The following LRRC4C variants were observed in gnomAD, a reference collection of about 807,000 sequenced individuals.
LRRC4C encodes leucine-rich repeat-containing protein 4C.
LRRC4C carries 5 observed loss-of-function variants against 33.6 expected under a neutral mutation model. That is an observed-to-expected ratio of 0.15 (90% confidence interval 0.08 to 0.31). LRRC4C has a LOEUF of 0.31. Ranked by LOEUF, LRRC4C falls within the 10% of genes least tolerant of loss-of-function variation. The pLI, the probability that LRRC4C is intolerant of heterozygous loss-of-function variation, is 1.00. For synonymous variants in LRRC4C, 329 were observed against 302.0 expected, an observed-to-expected ratio of 1.09 and a Z score of -0.93; for missense variants, 560 against 796.7, an observed-to-expected ratio of 0.70 and a Z score of 3.58.
chr11:41,147,207 T>A (rs2135942725), intron 1 of LRRC4C, among the ~76,000 whole-genome samples: 1 of 152,326 alleles, frequency 6.6e-6, no homozygotes, highest in South Asian at 2.1e-4. Flanking sequence ...TAACTATGAC[T>A]TCCAGAGCAC....
intron 2 of LRRC4C, among the ~76,000 whole-genome samples, chr11:40,708,595 T>A (rs1946295545): frequency 6.6e-6 from 1 of 152,212 alleles, no homozygotes; most frequent in African/African-American, 2.4e-5. Context: ...TTGTAATTTC[T>A]GTTCTTTTAC....
intron 1 of LRRC4C, among the ~76,000 whole-genome samples, chr11:41,400,095 T>C (rs557024880): frequency 6.6e-6 from 1 of 152,038 alleles, no homozygotes; most frequent in East Asian, 1.9e-4. Context: ...GATTAAGAGA[T>C]GAGGCTCTCA....
intron 1 of LRRC4C, among the ~76,000 whole-genome samples, chr11:41,076,549 A>T (rs1939162826): frequency 6.6e-6 from 1 of 152,180 alleles, no homozygotes; most frequent in African/African-American, 2.4e-5. Flanking sequence ...TCTCTCAATT[A>T]TCGCAAGAAC....
intron 3 of LRRC4C, among the ~76,000 whole-genome samples, chr11:40,448,295 A>T (rs1009298537): frequency 2.0e-5 from 3 of 152,172 alleles, no homozygotes; most frequent in Middle Eastern, 6.3e-3. Context: ...ACACATGTGC[A>T]GAACGTGCAG....
At chr11:41,434,592 A>T (rs1237508514) in intron 1 of LRRC4C, among the ~76,000 whole-genome samples, 1 of 152,174 alleles carries the variant, frequency 6.6e-6, no homozygotes, top group Non-Finnish European at 1.5e-5. Flanking sequence ...CAAAGTCTGC[A>T]AATAGAAGAA....
At chr11:40,798,665 T>G (rs1435412582) in intron 2 of LRRC4C, among the ~76,000 whole-genome samples, 1 of 149,552 alleles carries the variant, frequency 6.7e-6, no homozygotes, top group African/African-American at 2.5e-5. Context: ...TTTTTTGAGA[T>G]GGAGTTTCAC....
In LRRC4C at chr11:40,799,933, C is replaced by G. The variant is rs189593310; in HGVS notation, c.-407+133702G>C. On this transcript the variant is annotated intron_variant, in intron 2 of 6. Transcript: ENST00000528697. Reference sequence around the variant, plus strand: ...GGCTTGTATTCTTGTATTTTAACAGCCAGTATCTAGACAGTCTATTTTCAG... The same window carrying G: ...GGCTTGTATTCTTGTATTTTAACAGGCAGTATCTAGACAGTCTATTTTCAG... 2.9e-3 allele frequency among the ~76,000 whole-genome samples: 434 copies of G among 152,166 alleles called. 2 individuals are homozygous for G. The highest frequency in any genetic ancestry group is 5.3e-3 in the Non-Finnish European group (360 of 68,006).
Position 40,761,697 on chromosome 11 carries a change from T to G in LRRC4C, c.-406-113419A>C, listed in dbSNP as rs573987393. 2.6e-5 allele frequency among the ~76,000 whole-genome samples: 4 copies of G among 152,264 alleles called. No homozygotes were observed. The South Asian group carries it at 8.3e-4, about 32-fold the overall frequency. On this transcript the variant is annotated intron_variant, in intron 2 of 6. Transcript: ENST00000528697. ...GTTATATTTTCATTAAGCATTAGAC[T>G]AGTGAACATCTTCAAGCACACCTTT...
At chr11:41,172,850 A>G (rs1341996125) in intron 1 of LRRC4C, among the ~76,000 whole-genome samples, 1 of 152,182 alleles carries the variant, frequency 6.6e-6, no homozygotes. Context: ...AGAATTCTTA[A>G]TGTAGTAAAG....
intron 4 of LRRC4C, among the ~76,000 whole-genome samples, chr11:40,269,088 AT>A (rs1426359409): frequency 6.6e-6 from 1 of 152,140 alleles, no homozygotes; most frequent in Non-Finnish European, 1.5e-5. Context: ...ATTATTTTGA[AT>A]GTATTTAAAA....
intron 3 of LRRC4C, among the ~76,000 whole-genome samples, chr11:40,647,575 A>G (rs1487720749): frequency 1.3e-5 from 2 of 152,302 alleles, no homozygotes; most frequent in East Asian, 3.9e-4. Flanking sequence ...GTTCATTCAG[A>G]CAAGTACAAC....
intron 3 of LRRC4C, among the ~76,000 whole-genome samples, chr11:40,605,351 T>C (rs191299565): frequency 6.6e-6 from 1 of 152,248 alleles, no homozygotes; most frequent in East Asian, 1.9e-4. Flanking sequence ...TAAGGGAGAT[T>C]GATGTCAGTG....
At chr11:41,169,382 AG>A (rs1944869458) in intron 1 of LRRC4C, among the ~76,000 whole-genome samples, 1 of 152,158 alleles carries the variant, frequency 6.6e-6, no homozygotes, top group Non-Finnish European at 1.5e-5. Context: ...ACCAATCCAC[AG>A]GAGCCCACTG....
chr11:41,414,425 A>G (rs1252660671), intron 1 of LRRC4C, among the ~76,000 whole-genome samples: 1 of 152,048 alleles, frequency 6.6e-6, no homozygotes, highest in Non-Finnish European at 1.5e-5. Flanking sequence ...GACAGAAAAT[A>G]CCTCTGGGAT....
chr11:40,291,076 TA>T (rs1169077123), intron 4 of LRRC4C, among the ~76,000 whole-genome samples: 4 of 152,136 alleles, frequency 2.6e-5, no homozygotes, highest in African/African-American at 9.7e-5. Flanking sequence ...TTCCTTTTTT[TA>T]TTGACTTGAG....
chr11:41,182,699 G>T (rs1258312813), intron 1 of LRRC4C, among the ~76,000 whole-genome samples: 5 of 152,082 alleles, frequency 3.3e-5, no homozygotes, highest in African/African-American at 9.7e-5. Context: ...AAAATTCCTT[G>T]TTATGTACAA....
intron 1 of LRRC4C, among the ~76,000 whole-genome samples, chr11:41,105,969 C>G (rs560176037): frequency 6.6e-6 from 1 of 152,026 alleles, no homozygotes; most frequent in Admixed American, 6.6e-5. Flanking sequence ...CAGTCTCTTG[C>G]CTTTTTTGTA....
chr11:40,637,719 C>G (rs74368517), intron 3 of LRRC4C, among the ~76,000 whole-genome samples: 5,884 of 152,286 alleles, frequency 0.039, 381 homozygotes, highest in African/African-American at 0.13. Flanking sequence ...GTTCTTACCA[C>G]TTTCACATCT....
At chr11:40,315,347 T>A (rs1018579505) in intron 4 of LRRC4C, among the ~76,000 whole-genome samples, 5 of 151,940 alleles carry the variant, frequency 3.3e-5, no homozygotes, top group Admixed American at 3.3e-4. Context: ...CAATTTATTT[T>A]ATTCTCCTAG....
Sources: gnomAD v4.1 joint callset for allele counts (sites outside exome capture counted in the v4.1 genomes callset) on GRCh38, gnomAD v4.1.1 for gene constraint, MANE v1.5 for transcripts, NCBI Gene and HGNC (gene_info 2026-07-23, HGNC 2026-07-21) for gene names.